Variants in KIAA1671 observed in about 807,000 individuals in gnomAD.
KIAA1671 encodes uncharacterized protein KIAA1671.
In KIAA1671, 52 loss-of-function variants were observed where a neutral mutation model predicts 131.2. That is an observed-to-expected ratio of 0.40 (90% CI 0.32 to 0.50). The LOEUF is 0.50. Ranked by LOEUF, KIAA1671 falls within the 20% of genes least tolerant of loss-of-function variation. The probability of loss-of-function intolerance (pLI) is 0.73; values close to 1 mark genes in which losing one functional copy is unlikely to be tolerated. For missense variants in KIAA1671, 2,360 were observed against 2,364.2 expected (o/e 1.00, Z 0.04); for synonymous variants, 1,003 against 961.6 (o/e 1.04, Z -0.80).
chr22:25,019,030 C>A (rs1925502745), intron 1 of KIAA1671, among the ~76,000 whole-genome samples: 1 of 150,506 alleles, frequency 6.6e-6, no homozygotes, highest in African/African-American at 2.5e-5. Flanking sequence ...AGTGTCTTCA[C>A]ATCCTCTCCA....
chr22:25,135,260 A>C (rs900836361), intron 6 of KIAA1671, among the ~76,000 whole-genome samples: 18 of 152,194 alleles, frequency 1.2e-4, no homozygotes, highest in Non-Finnish European at 2.4e-4. Context: ...ATCTCAGCTC[A>C]CTGCAAGCTC....
chr22:25,181,779 C>T lies in KIAA1671; in HGVS notation c.5155C>T (p.Gln1719Ter). The T allele has an allele frequency of 6.4e-7, 1 of 1,551,644 alleles. No individual in the cohort carries two copies. The highest frequency in any genetic ancestry group is 8.7e-7 in the Non-Finnish European group (1 of 1,146,968). ...TGAGAGGACCCCTGTCAGCCATCCTCAGAGGATGCCTGCGTTTCCAGGCAT... is the reference window on the plus strand; with the variant it reads ...TGAGAGGACCCCTGTCAGCCATCCTTAGAGGATGCCTGCGTTTCCAGGCAT... ...KAERTPVSHP[Q>*]RMPAFPGMDP... The change falls in exon 10 of 13, where the codon CAG (glutamine) becomes TAG (stop). Residue 1719 changes from glutamine to a stop codon, truncating the protein, a stop_gained. Coordinates refer to ENST00000358431, the MANE Select transcript of KIAA1671 (RefSeq NM_001145206.2). LOFTEE classifies it high-confidence loss of function.
chr22:25,182,658 C>T (rs1490643538), intron 10 of KIAA1671, among the ~76,000 whole-genome samples: 1 of 152,176 alleles, frequency 6.6e-6, no homozygotes, highest in African/African-American at 2.4e-5. Flanking sequence ...GTTGCTTAAT[C>T]TCCACTTTCT....
intron 1 of KIAA1671, among the ~76,000 whole-genome samples, chr22:24,995,369 T>C (rs191057255): frequency 0.051 from 7,414 of 144,840 alleles, 296 homozygotes; most frequent in Non-Finnish European, 0.068. Context: ...TTTTTTTTTT[T>C]CTTGGCAGGG....
intron 7 of KIAA1671, among the ~76,000 whole-genome samples, chr22:25,171,229 G>A (rs1484645948): frequency 2.6e-5 from 4 of 151,390 alleles, no homozygotes; most frequent in South Asian, 2.1e-4. Context: ...GTGGAACCCC[G>A]TCTCTACTAA....
At chr22:25,000,204 T>TGTAGC (rs1569202493) in intron 1 of KIAA1671, among the ~76,000 whole-genome samples, 1 of 81,018 alleles carries the variant, frequency 1.2e-5, no homozygotes. Context: ...TTTTTTTTTT[T>TGTAGC]TTTTTTTGAG....
intron 6 of KIAA1671, among the ~76,000 whole-genome samples, chr22:25,160,494 T>C (rs892332536): frequency 6.6e-6 from 1 of 152,198 alleles, no homozygotes; most frequent in African/African-American, 2.4e-5. Context: ...TTGCTGCTTC[T>C]CTATCTGCCT....
chr22:24,972,281 C>A (rs149000269), intron 1 of KIAA1671, among the ~76,000 whole-genome samples: 48 of 152,296 alleles, frequency 3.2e-4, no homozygotes, highest in Non-Finnish European at 6.3e-4. Flanking sequence ...TATTTCACTG[C>A]TCAGAAAACA....
intron 1 of KIAA1671, among the ~76,000 whole-genome samples, chr22:25,005,145 C>T (rs573796217): frequency 3.1e-4 from 47 of 151,180 alleles, no homozygotes; most frequent in African/African-American, 1.0e-3. Flanking sequence ...GTCAAGCGAT[C>T]GAGACCATCC....
At position 25,040,785 on chromosome 22, in the gene KIAA1671, G is replaced by A. The variant is rs2145806997; in HGVS notation, c.3655G>A (p.Ala1219Thr). 6.4e-7 allele frequency: 1 copy of A among 1,551,780 alleles called. No homozygotes were observed. The highest frequency in any genetic ancestry group is 2.4e-5 in the East Asian group (1 of 40,912). ...GCTGTCGCTGAAAGTCCCTGGGGAG[G>A]CTCAGGAGAGGAGGAGTCCCACCGT... ...QELSLKVPGE[A>T]QERRSPTVEP... Residue 1219 changes from alanine (A) to threonine (T), a missense_variant, in exon 5 of 13, where the codon GCT becomes ACT. Physicochemically the swap from Ala to Thr is moderately conservative, Grantham distance 58. This residue lies in a region of KIAA1671 where 1,161 missense variants were observed against 1,204.7 expected (regional missense o/e 0.96). Coordinates refer to ENST00000358431, the MANE Select transcript of KIAA1671 (RefSeq NM_001145206.2).
intron 6 of KIAA1671, among the ~76,000 whole-genome samples, chr22:25,151,244 GATCCTTATGACATATCTGT>G (rs1480970973): frequency 2.0e-5 from 3 of 151,342 alleles, no homozygotes; most frequent in Admixed American, 6.6e-5. Context: ...CCCTGGAAAT[GATCCTTATGACATATCTGT>G]ATCCTTTAAG....
intron 8 of KIAA1671, 200 bp downstream of exon 8, chr22:25,174,689 A>C (rs1601382926): frequency 1.9e-6 from 1 of 531,842 alleles, no homozygotes; most frequent in Non-Finnish European, 3.2e-6. Flanking sequence ...AAATGTCTTC[A>C]CCTCTCTGAG....
At chr22:25,129,249 T>G (rs1425748529) in intron 6 of KIAA1671, among the ~76,000 whole-genome samples, 1 of 152,218 alleles carries the variant, frequency 6.6e-6, no homozygotes, top group Non-Finnish European at 1.5e-5. Context: ...CTGGGTATGT[T>G]GGCTCACGCC....
chr22:25,039,202 A>G lies in KIAA1671; in HGVS notation c.2072A>G (p.Asn691Ser), dbSNP rs1358045611. The change falls in exon 5 of 13, where the codon AAT becomes AGT. Residue 691 changes from asparagine to serine, a missense_variant. Around this residue, in one of 3 missense-constraint regions of KIAA1671, gnomAD observed 1,185 missense variants for 1,126.2 expected, o/e 1.05. Transcript: ENST00000358431. ...TEKLGPTTLLNGELRPYHTPL... is the reference protein window; with the variant it reads ...TEKLGPTTLLSGELRPYHTPL... ...AAATTGGGACCAACCACCCTTTTGA[A>G]TGGTGAACTGAGACCGTATCACACG... 27 of 1,552,084 alleles carry G rather than the reference A, an allele frequency of 1.7e-5. No homozygotes were observed. The Admixed American group carries it at 3.3e-4, about 19-fold the overall frequency.
chr22:25,115,543 G>T (rs750504565), intron 6 of KIAA1671, among the ~76,000 whole-genome samples: 6 of 152,170 alleles, frequency 3.9e-5, no homozygotes, highest in Non-Finnish European at 7.3e-5. Flanking sequence ...CATAGCCCTG[G>T]CATGCAGGAG....
In KIAA1671 at chr22:25,177,153, C is replaced by T. The variant is rs1934061250; in HGVS notation, c.4900-195C>T. 5.1e-6 allele frequency: 3 copies of T among 593,844 alleles called. No homozygotes were observed. The Admixed American group carries it at 9.0e-5, about 18-fold the overall frequency. The allele number at this position is 593,844 out of a possible 1,614,324, so 36.8% of individuals were successfully genotyped here. Reference sequence around the variant, plus strand: ...TGTTCCACCTGACTTTTGTCATCAGCCTATGGGGTATGTTTTATGGGGAAA... The same window carrying T: ...TGTTCCACCTGACTTTTGTCATCAGTCTATGGGGTATGTTTTATGGGGAAA... On this transcript the variant is annotated intron_variant, in intron 8 of 12. Coordinates refer to ENST00000358431, the MANE Select transcript of KIAA1671 (RefSeq NM_001145206.2).
chr22:24,960,546 C>CAA lies in KIAA1671; in HGVS notation c.-208+7791_-208+7792dup, dbSNP rs56207857. 6.4e-3 allele frequency among the ~76,000 whole-genome samples: 513 copies of CAA among 79,948 alleles called. 2 individuals are homozygous for CAA. The highest frequency in any genetic ancestry group is 0.021 in the African/African-American group (489 of 23,822). The allele number at this position is 79,948 out of a possible 152,430, so 52.4% of individuals were successfully genotyped here. On this transcript the variant is annotated intron_variant, in intron 1 of 12. Coordinates refer to ENST00000358431, the MANE Select transcript of KIAA1671 (RefSeq NM_001145206.2). Reference sequence around the variant, plus strand: ...TGGGTGACAGGGCAAGACTCCGTCTCAAAAAAAAAAAAAAAAAAGAAAAAA... The same window carrying CAA: ...TGGGTGACAGGGCAAGACTCCGTCTCAAAAAAAAAAAAAAAAAAAAGAAAAAA...
intron 6 of KIAA1671, among the ~76,000 whole-genome samples, chr22:25,136,496 A>T (rs1340928848): frequency 6.6e-6 from 1 of 152,188 alleles, no homozygotes. Context: ...GGCATCACGC[A>T]AACAGCCCTA....
At chr22:25,179,353 C>T in intron 9 of KIAA1671, 23 of 1,597,156 alleles carry the variant, frequency 1.4e-5, no homozygotes, top group Non-Finnish European at 2.0e-5. Context: ...CTGCGCACCT[C>T]GGCCGCGTGC....
Sources: allele counts gnomAD v4.1 joint callset (sites outside exome capture counted in the v4.1 genomes callset), GRCh38; gene constraint gnomAD v4.1.1; regional missense constraint gnomAD v4.1.1; transcripts MANE v1.5; gene names NCBI Gene and HGNC (gene_info 2026-07-23, HGNC 2026-07-21).